EGFLAM: variants seen among roughly 807,000 people sequenced by gnomAD.
The protein encoded by EGFLAM is EGF like, fibronectin type III and laminin G domains.
Under a neutral mutation model 113.1 loss-of-function variants are expected in EGFLAM, and 79 were observed. The observed-to-expected ratio is 0.70, with a 90% CI of 0.58 to 0.84. The LOEUF (loss-of-function observed/expected upper bound fraction) is 0.84. EGFLAM is among the 40% of genes least tolerant of loss of function. EGFLAM has a pLI of 0.00. For synonymous variants in EGFLAM, 504 were observed against 487.6 expected (o/e 1.03, Z -0.44); for missense variants, 1,265 against 1,291.6 (o/e 0.98, Z 0.32).
intron 5 of EGFLAM, among the ~76,000 whole-genome samples, chr5:38,360,532 G>T (rs1346085627): frequency 6.6e-6 from 1 of 152,200 alleles, no homozygotes; most frequent in East Asian, 1.9e-4. Context: ...CAGGCTCTGG[G>T]CTGGACTCCC....
chr5:38,342,731 G>A (rs1009643506), intron 3 of EGFLAM, among the ~76,000 whole-genome samples: 3 of 151,980 alleles, frequency 2.0e-5, no homozygotes, highest in Non-Finnish European at 4.4e-5. Flanking sequence ...TTAGGGTGGT[G>A]GTCTTTACAC....
chr5:38,426,141 C>T (rs752720069), intron 13 of EGFLAM, among the ~76,000 whole-genome samples: 1 of 151,450 alleles, frequency 6.6e-6, no homozygotes, highest in East Asian at 1.9e-4. Flanking sequence ...GACACAGAAA[C>T]GTTAACAATG....
chr5:38,329,694 T>C (rs1056662304), intron 1 of EGFLAM, among the ~76,000 whole-genome samples: 2 of 152,206 alleles, frequency 1.3e-5, no homozygotes, highest in African/African-American at 4.8e-5. Context: ...TGCTGCTCTC[T>C]CTGCCTGGGA....
At chr5:38,262,942 C>A (rs1285411913) in intron 1 of EGFLAM, among the ~76,000 whole-genome samples, 1 of 152,168 alleles carries the variant, frequency 6.6e-6, no homozygotes, top group Non-Finnish European at 1.5e-5. Context: ...TACATTCATA[C>A]AATGTACGAA....
chr5:38,283,083 C>T (rs1185049718), intron 1 of EGFLAM, among the ~76,000 whole-genome samples: 1 of 152,128 alleles, frequency 6.6e-6, no homozygotes, highest in Non-Finnish European at 1.5e-5. Flanking sequence ...GTGATCTGCC[C>T]ACCTAGGCCT....
intron 1 of EGFLAM, among the ~76,000 whole-genome samples, chr5:38,321,970 G>GTGT (rs1193543965): frequency 1.3e-5 from 2 of 152,132 alleles, no homozygotes; most frequent in African/African-American, 4.8e-5. Flanking sequence ...CTTTCATAAT[G>GTGT]ACCAGAAAGA....
chr5:38,350,729 G>A, intron 4 of EGFLAM, 111 bp downstream of exon 4: 1 of 1,023,910 alleles, frequency 9.8e-7, no homozygotes, highest in Non-Finnish European at 1.4e-6. Flanking sequence ...CTAGGCTCTG[G>A]GAATTCAGTA....
At chr5:38,349,798 C>T (rs985383566) in intron 3 of EGFLAM, among the ~76,000 whole-genome samples, 21 of 150,504 alleles carry the variant, frequency 1.4e-4, no homozygotes, top group Admixed American at 1.3e-3. Flanking sequence ...CACACACACA[C>T]ACACACACAC....
chr5:38,258,911 C>T (rs1757425936), intron 1 of EGFLAM, 60 bp downstream of exon 1: 1 of 1,537,206 alleles, frequency 6.5e-7, no homozygotes, highest in Non-Finnish European at 8.8e-7. Flanking sequence ...GGCTCCGGGG[C>T]GAGGACACAG....
chr5:38,398,415 A>G (rs1741017664), intron 6 of EGFLAM, among the ~76,000 whole-genome samples: 1 of 152,240 alleles, frequency 6.6e-6, no homozygotes, highest in Non-Finnish European at 1.5e-5. Context: ...CATCACATAA[A>G]TAAGCATAAA....
intron 6 of EGFLAM, among the ~76,000 whole-genome samples, chr5:38,399,381 G>A (rs921851934): frequency 4.0e-5 from 6 of 148,602 alleles, no homozygotes; most frequent in South Asian, 4.4e-4. Flanking sequence ...AGGCTCAAGC[G>A]ATCCTGCCAT....
chr5:38,429,387 A>C (rs1475279294), intron 14 of EGFLAM, among the ~76,000 whole-genome samples: 1 of 152,252 alleles, frequency 6.6e-6, no homozygotes, highest in Non-Finnish European at 1.5e-5. Flanking sequence ...TGCCAAAGCA[A>C]AAATCAAGTG....
chr5:38,264,268 G>A (rs998526840), intron 1 of EGFLAM, among the ~76,000 whole-genome samples: 2 of 152,142 alleles, frequency 1.3e-5, no homozygotes, highest in Admixed American at 1.3e-4. Context: ...TCAAGTCAGC[G>A]TTCAGAGTTC....
chr5:38,399,192 G>A (rs543545870), intron 6 of EGFLAM, among the ~76,000 whole-genome samples: 99 of 152,102 alleles, frequency 6.5e-4, no homozygotes, highest in Non-Finnish European at 1.0e-3. Context: ...ATGCTAGGTG[G>A]AGAGGGAAGG....
chr5:38,282,747 CTG>C (rs1321710084), intron 1 of EGFLAM: 4 of 152,210 alleles, frequency 2.6e-5, no homozygotes, highest in African/African-American at 9.7e-5. Context: ...GGTTTATACA[CTG>C]TATATATCAT....
chr5:38,351,934 G>A (rs1739636150), intron 4 of EGFLAM, among the ~76,000 whole-genome samples: 1 of 152,242 alleles, frequency 6.6e-6, no homozygotes, highest in African/African-American at 2.4e-5. Flanking sequence ...TGCAGTCAGG[G>A]GTGCAACGGG....
At chr5:38,426,769 G>A (rs928842836) in intron 13 of EGFLAM, among the ~76,000 whole-genome samples, 4 of 152,182 alleles carry the variant, frequency 2.6e-5, no homozygotes, top group African/African-American at 9.6e-5. Flanking sequence ...GCCAGCACGT[G>A]AGAGGAGAGA....
At chr5:38,429,364 T>C (rs1366389450) in intron 14 of EGFLAM, among the ~76,000 whole-genome samples, 1 of 152,210 alleles carries the variant, frequency 6.6e-6, no homozygotes, top group Non-Finnish European at 1.5e-5. Context: ...TAAGAACAGA[T>C]CACAAAATCA....
intron 5 of EGFLAM, among the ~76,000 whole-genome samples, chr5:38,363,319 C>T (rs1221979032): frequency 1.3e-5 from 2 of 152,128 alleles, no homozygotes; most frequent in East Asian, 1.9e-4. Flanking sequence ...GGGTGTTTAA[C>T]TGGCAGTCCA....
Sources: gnomAD v4.1 joint callset for allele counts (sites outside exome capture counted in the v4.1 genomes callset) on GRCh38, gnomAD v4.1.1 for gene constraint, MANE v1.5 for transcripts, NCBI Gene and HGNC (gene_info 2026-07-23, HGNC 2026-07-21) for gene names.